UBR4: variants seen among roughly 807,000 people sequenced by gnomAD.
The protein encoded by UBR4 is ubiquitin protein ligase E3 component n-recognin 4, also known as E3 ubiquitin-protein ligase UBR4.
In UBR4, 124 loss-of-function variants were observed where a neutral mutation model predicts 575.6. That is an observed-to-expected ratio of 0.22 (90% confidence interval 0.19 to 0.25). UBR4 has a LOEUF of 0.25. Ranked by LOEUF, UBR4 falls within the 10% of genes least tolerant of loss-of-function variation. UBR4 has a pLI of 1.00. For missense variants in UBR4, 4,818 were observed against 6,478.8 expected (o/e 0.74, Z 8.80); for synonymous variants, 2,455 against 2,473.7 (o/e 0.99, Z 0.22).
At chr1:19,131,956 A>C (rs1280062217) in intron 60 of UBR4, among the ~76,000 whole-genome samples, 3 of 152,222 alleles carry the variant, frequency 2.0e-5, no homozygotes, top group Non-Finnish European at 4.4e-5. Context: ...CAATAACAAA[A>C]AGATAACTAG....
chr1:19,136,964 G>C (rs2083267747), intron 60 of UBR4, among the ~76,000 whole-genome samples: 1 of 151,224 alleles, frequency 6.6e-6, no homozygotes, highest in Non-Finnish European at 1.5e-5. Flanking sequence ...ATGCCTGACT[G>C]CATCAGGCAC....
chr1:19,145,990 G>T, intron 52 of UBR4, 57 bp from the exon 53 acceptor site: 2 of 1,613,114 alleles, frequency 1.2e-6, no homozygotes, highest in Non-Finnish European at 1.7e-6. Context: ...AATTTAATTT[G>T]TTTTAAGGTT....
intron 1 of UBR4, among the ~76,000 whole-genome samples, chr1:19,204,709 G>A (rs1010222472): frequency 5.9e-5 from 9 of 152,152 alleles, no homozygotes; most frequent in South Asian, 2.1e-4. Flanking sequence ...AAAATGGAAC[G>A]GTCTTCAGCT....
In UBR4 at chr1:19,160,249, G is replaced by A. The variant is rs368134510; in HGVS notation, c.5439C>T (p.Asp1813=). The A allele has an allele frequency of 1.5e-5, 24 of 1,612,574 alleles. No individual in the cohort carries two copies. The highest frequency in any genetic ancestry group is 1.2e-4 in the Admixed American group (7 of 59,824). ...TGGCATCCATAAGGAAATTAAGCAT[G>A]TCTAACACGAGAGGAGCGAAGGAGA... ...ANFSFAPLVL[D]MLNFLMDAIQ... is the part of the protein sequence containing the mutation. The change falls in exon 39 of 106, where the codon GAC becomes GAT. Residue 1813 remains aspartate, a synonymous_variant. Coordinates refer to ENST00000375254, the MANE Select transcript of UBR4 (RefSeq NM_020765.3).
At chr1:19,165,799 T>C (rs770728931) in intron 29 of UBR4, 42 bp from the exon 30 acceptor site, 4 of 1,481,522 alleles carry the variant, frequency 2.7e-6, no homozygotes, top group South Asian at 1.2e-5. Context: ...TATTAAGACC[T>C]GTTTCAATGT....
intron 60 of UBR4, among the ~76,000 whole-genome samples, chr1:19,130,268 G>A (rs2082272052): frequency 6.6e-6 from 1 of 152,184 alleles, no homozygotes; most frequent in Admixed American, 6.5e-5. Context: ...TGAAAGTACA[G>A]GGTCTAGGGT....
chr1:19,175,843 G>T (rs2090190350), intron 20 of UBR4, among the ~76,000 whole-genome samples: 1 of 152,026 alleles, frequency 6.6e-6, no homozygotes, highest in Non-Finnish European at 1.5e-5. Flanking sequence ...AACCAGGCTG[G>T]AGTACAGTGG....
Position 19,184,051 on chromosome 1 carries a change from C to T in UBR4, c.2063G>A (p.Ser688Asn). 1 of 1,614,136 alleles carries T rather than the reference C, an allele frequency of 6.2e-7. No individual in the cohort carries two copies. The highest frequency in any genetic ancestry group is 1.1e-5 in the South Asian group (1 of 91,088). Residue 688 changes from serine to asparagine, a missense_variant, in exon 16 of 106, where the codon AGT becomes AAT. By Grantham distance (46) the Ser-to-Asn change is conservative. This residue lies in a region of UBR4 where 1,172 missense variants were observed against 1,259.7 expected (regional missense o/e 0.93). Coordinates refer to ENST00000375254, the MANE Select transcript of UBR4 (RefSeq NM_020765.3). The part of the protein sequence containing the change: ...LSEHHMATLA[S>N]IIKEVDKDGL... ...ATCTTTGTCCACCTCCTTGATGATA[C>T]TGGCTAGGGTGGCCATATGGTGTTC...
At chr1:19,150,973 G>A (rs1232897692) in intron 48 of UBR4, 180 bp from the exon 49 acceptor site, 2 of 673,962 alleles carry the variant, frequency 3.0e-6, no homozygotes, top group East Asian at 5.5e-5. Context: ...AATACATGTG[G>A]TAAAAGTTCC....
In UBR4 at chr1:19,088,368, A is replaced by G. The variant is rs1429718088; in HGVS notation, c.14430+391T>C. The stretch of plus-strand genomic sequence containing the variant: ...TCCTCCAAGGTGGGACAGTTAGAAG[A>G]GCACAGAACCCTTTGTGTCAACCAC... On this transcript the variant is annotated intron_variant, in intron 98 of 105. Transcript: ENST00000375254. This position sits in a 1 kb window ranked among gnomAD's most constrained non-coding sequence, Gnocchi z 4.0. Among the ~76,000 whole-genome samples the G allele has an allele frequency of 1.3e-5, 2 of 152,218 alleles. No individual in the cohort carries two copies. Among genetic ancestry groups the G allele is most frequent in the East Asian group, 3.8e-4 (2 of 5,200 alleles).
intron 65 of UBR4, among the ~76,000 whole-genome samples, chr1:19,123,304 T>C (rs2081370090): frequency 6.6e-6 from 1 of 151,790 alleles, no homozygotes; most frequent in African/African-American, 2.4e-5. Flanking sequence ...ATACAAAAAT[T>C]AGCTGGCCGT....
At position 19,121,181 on chromosome 1, in the gene UBR4, ACC is replaced by A; in HGVS notation, c.10141+6_10141+7del. ...TTGTAGTCACAATGACAAGAGGGTG[ACC>A]CTTACCATCTTTCTCCTTTTCTTTT... is the stretch of plus-strand genomic sequence containing the variant. On this transcript the variant is annotated splice_donor_region_variant and intron_variant, in intron 68 of 105. Transcript: ENST00000375254. 6.2e-7 allele frequency: 1 copy of A among 1,613,048 alleles called. No homozygotes were observed. Among genetic ancestry groups the A allele is most frequent in the South Asian group, 1.1e-5 (1 of 90,686 alleles).
At chr1:19,150,986 G>A (rs2085606620) in intron 48 of UBR4, 193 bp from the exon 49 acceptor site, 2 of 635,690 alleles carry the variant, frequency 3.1e-6, no homozygotes, top group Non-Finnish European at 2.7e-6. Flanking sequence ...AAAGTTCCAT[G>A]GACCAAAAGC....
intron 25 of UBR4, 137 bp downstream of exon 25, chr1:19,172,727 C>T (rs2089752446): frequency 1.3e-6 from 1 of 794,190 alleles, no homozygotes; most frequent in African/African-American, 1.7e-5. Flanking sequence ...CCCCTTCATA[C>T]TAGAGAAGAA....
chr1:19,110,903 G>A lies in UBR4; in HGVS notation c.11802-71C>T, dbSNP rs190844750. 16 of 1,467,408 alleles carry A rather than the reference G, an allele frequency of 1.1e-5. No individual in the cohort carries two copies. In the Admixed American group the frequency reaches 3.0e-4, roughly 28 times the overall value. The allele number at this position is 1,467,408 out of a possible 1,614,324, so 90.9% of individuals were successfully genotyped here. On this transcript the variant is annotated intron_variant, in intron 78 of 105. Coordinates refer to ENST00000375254, the MANE Select transcript of UBR4 (RefSeq NM_020765.3). The surrounding 1 kb of genome is among the most constrained non-coding windows in gnomAD (Gnocchi z 4.5). ...GTGACACTCCTTTCCACCTGAAGGG[G>A]CCCAGGGAAAATGAAATCAATGTCT...
rs577980115 is a variant in UBR4, at chr1:19,150,600, C to T, written c.7407G>A (p.Thr2469=). The T allele has an allele frequency of 1.1e-5, 17 of 1,613,472 alleles. No individual in the cohort carries two copies. Among genetic ancestry groups the T allele is most frequent in the African/African-American group, 5.3e-5 (4 of 75,006 alleles). Reference sequence around the variant, plus strand: ...ACCTCTCCAGGACAGTTCCACTGGTCGTAGTGGGGGCAGCTGAGTCGCTAT... The same window carrying T: ...ACCTCTCCAGGACAGTTCCACTGGTTGTAGTGGGGGCAGCTGAGTCGCTAT... ...TGDSDSAAPT[T]TSGTVLERLV... Residue 2469 remains threonine (T), a synonymous_variant, in exon 49 of 106, where the codon ACG becomes ACA. Coordinates refer to ENST00000375254, the MANE Select transcript of UBR4 (RefSeq NM_020765.3).
rs375412374 is a variant in UBR4 at position 19,192,398 on chromosome 1, A to G, written c.1204-20T>C. Reference sequence around the variant, plus strand: ...ATAGTGCTGTTGTGAAAGGCACAAAATAAAAAACATAATCATAGAGATATT... The same window carrying G: ...ATAGTGCTGTTGTGAAAGGCACAAAGTAAAAAACATAATCATAGAGATATT... On this transcript the variant is annotated intron_variant, in intron 10 of 105. Coordinates refer to ENST00000375254, the MANE Select transcript of UBR4 (RefSeq NM_020765.3). 1 of 1,614,088 alleles carries G rather than the reference A, an allele frequency of 6.2e-7. No individual in the cohort carries two copies. Among genetic ancestry groups the G allele is most frequent in the Non-Finnish European group, 8.5e-7 (1 of 1,179,960 alleles).
intron 28 of UBR4, 121 bp from the exon 29 acceptor site, chr1:19,167,352 T>A: frequency 1.1e-6 from 1 of 935,802 alleles, no homozygotes; most frequent in Non-Finnish European, 1.6e-6. Flanking sequence ...GCAAGGGCCT[T>A]TATTCCAGTC....
intron 92 of UBR4, chr1:19,095,870 C>CGTA: frequency 2.0e-6 from 1 of 493,936 alleles, no homozygotes; most frequent in Non-Finnish European, 3.7e-6. Flanking sequence ...ATATCTCTAC[C>CGTA]ATCTCTAATA....
Sources: allele counts gnomAD v4.1 joint callset (sites outside exome capture counted in the v4.1 genomes callset), GRCh38; gene constraint gnomAD v4.1.1; regional missense constraint gnomAD v4.1.1; non-coding constraint Gnocchi (gnomAD v3.1); transcripts MANE v1.5; gene names NCBI Gene and HGNC (gene_info 2026-07-23, HGNC 2026-07-21).